PTAFR: variants seen among roughly 807,000 people sequenced by gnomAD.
PTAFR encodes the protein platelet-activating factor receptor.
In PTAFR, 8 loss-of-function variants were observed where a neutral mutation model predicts 14.7. The observed-to-expected ratio is 0.54, with a 90% CI of 0.32 to 0.98. The LOEUF (loss-of-function observed/expected upper bound fraction) is 0.98, where lower values mean the gene tolerates loss of function less well. Among genes scored for constraint, PTAFR ranks in the 50% least tolerant of loss-of-function variants. The pLI is 0.04. For synonymous variants in PTAFR, 156 were observed against 176.5 expected (o/e 0.88, Z 0.92); for missense variants, 337 against 451.2 (o/e 0.75, Z 2.29).
At chr1:28,186,444 AC>A (rs1415938286) in intron 1 of PTAFR, among the ~76,000 whole-genome samples, 1 of 152,224 alleles carries the variant, frequency 6.6e-6, no homozygotes, top group African/African-American at 2.4e-5. Context: ...CAGAACCAGT[AC>A]AATCAAAATC....
intron 1 of PTAFR, among the ~76,000 whole-genome samples, chr1:28,190,932 T>G (rs543927932): frequency 6.6e-6 from 1 of 152,182 alleles, no homozygotes; most frequent in East Asian, 1.9e-4. Context: ...TCCCTGAGCC[T>G]CAGAGTCTTC....
intron 1 of PTAFR, among the ~76,000 whole-genome samples, chr1:28,164,889 C>T (rs969200138): frequency 2.0e-5 from 3 of 152,156 alleles, no homozygotes; most frequent in Non-Finnish European, 2.9e-5. Flanking sequence ...GAAGGGAATG[C>T]GACAAAGGGA....
chr1:28,179,241 T>C (rs1007239177), upstream of PTAFR, among the ~76,000 whole-genome samples: 3 of 152,140 alleles, frequency 2.0e-5, no homozygotes, highest in African/African-American at 7.2e-5. Flanking sequence ...ACAGCAAGCC[T>C]GGGAGGGACC....
chr1:28,168,261 G>A (rs192575470), intron 1 of PTAFR, among the ~76,000 whole-genome samples: 51 of 151,426 alleles, frequency 3.4e-4, no homozygotes, highest in Non-Finnish European at 4.9e-4. Context: ...GTGAGCCACC[G>A]CGCCCGGCAG....
chr1:28,171,141 GACGAA>G (rs1646448984), intron 1 of PTAFR, among the ~76,000 whole-genome samples: 1 of 151,970 alleles, frequency 6.6e-6, no homozygotes, highest in Non-Finnish European at 1.5e-5. Flanking sequence ...TGGCCAACAT[GACGAA>G]ACCCCATATC....
intron 1 of PTAFR, among the ~76,000 whole-genome samples, chr1:28,184,500 A>C (rs1182888378): frequency 6.6e-6 from 1 of 152,188 alleles, no homozygotes; most frequent in East Asian, 1.9e-4. Flanking sequence ...GTACAGGAGA[A>C]GTCAAAGTCC....
At chr1:28,167,098 A>G (rs1005815087) in intron 1 of PTAFR, among the ~76,000 whole-genome samples, 3 of 152,220 alleles carry the variant, frequency 2.0e-5, no homozygotes, top group Non-Finnish European at 4.4e-5. Flanking sequence ...CGAAAGCACA[A>G]ATAAACTATT....
At position 28,149,928 on chromosome 1, in the gene PTAFR, C is replaced by T. The variant is rs1646158928; in HGVS notation, c.*65G>A. On this transcript the variant is annotated 3_prime_UTR_variant, in exon 2 of 2. Transcript: ENST00000373857. ...TGGTGCCCAGACCACAGTAGATATC[C>T]CTTCTTCCCCCAGCTCAGTCCATGA... 2 of 1,542,476 alleles carry T rather than the reference C, an allele frequency of 1.3e-6. No individual in the cohort carries two copies. The highest frequency in any genetic ancestry group is 1.9e-5 in the Admixed American group (1 of 53,002).
chr1:28,168,562 C>A (rs1034521025), intron 1 of PTAFR, among the ~76,000 whole-genome samples: 3 of 152,002 alleles, frequency 2.0e-5, no homozygotes, highest in Non-Finnish European at 4.4e-5. Context: ...AGTAATCAAA[C>A]GCATAGAACC....
intron 1 of PTAFR, among the ~76,000 whole-genome samples, chr1:28,163,215 G>A (rs1339738023): frequency 3.9e-5 from 6 of 152,172 alleles, no homozygotes; most frequent in Non-Finnish European, 8.8e-5. Flanking sequence ...ATCGCCACAG[G>A]CAAAATGAGT....
chr1:28,164,124 T>C (rs939774738), intron 1 of PTAFR, among the ~76,000 whole-genome samples: 1 of 152,128 alleles, frequency 6.6e-6, no homozygotes, highest in Admixed American at 6.6e-5. Context: ...CATCCATAGC[T>C]GGACAGCCAG....
chr1:28,193,424 T>G (rs1646672789), intron 1 of PTAFR, among the ~76,000 whole-genome samples: 1 of 152,016 alleles, frequency 6.6e-6, no homozygotes, highest in Admixed American at 6.6e-5. Flanking sequence ...GATGAGGGTC[T>G]GTTGTGTGTT....
chr1:28,165,511 C>T (rs779884474), intron 1 of PTAFR, among the ~76,000 whole-genome samples: 5 of 151,454 alleles, frequency 3.3e-5, no homozygotes, highest in East Asian at 1.9e-4. Flanking sequence ...AGGTCAGGCG[C>T]GGTGCCTCAC....
Position 28,150,087 on chromosome 1 carries a change from C to A in PTAFR, c.935G>T (p.Arg312Leu), listed in dbSNP as rs747144190. The A allele has an allele frequency of 2.5e-6, 4 of 1,614,032 alleles. No individual in the cohort carries two copies. The highest frequency in any genetic ancestry group is 3.4e-6 in the Non-Finnish European group (4 of 1,180,028). ...KHLTEKFYSM[R>L]SSRKCSRATT... ...GGCCCGGGAGCATTTCCGGCTACTG[C>A]GCATGCTGTAGAACTTTTCGGTGAG... Residue 312 changes from arginine to leucine, a missense_variant, in exon 2 of 2, where the codon CGC becomes CTC. By Grantham distance (102) the Arg-to-Leu change is moderately radical. Transcript: ENST00000373857. This position sits in a 1 kb window ranked among gnomAD's most constrained non-coding sequence, Gnocchi z 6.3.
At chr1:28,171,143 C>T (rs1040348028) in intron 1 of PTAFR, among the ~76,000 whole-genome samples, 6 of 151,630 alleles carry the variant, frequency 4.0e-5, no homozygotes, top group Admixed American at 3.3e-4. Flanking sequence ...GCCAACATGA[C>T]GAAACCCCAT....
chr1:28,150,132 G>T lies in PTAFR; in HGVS notation c.890C>A (p.Thr297Asn). ...GGTGAGGTGCTTGCGGAACTTCTTG[G>T]TGAGGAAACAGTAGATAACAGGGTC... is the stretch of plus-strand genomic sequence containing the variant. ...VLDPVIYCFL[T>N]KKFRKHLTEK... The change falls in exon 2 of 2, where the codon ACC becomes AAC. Residue 297 changes from threonine to asparagine, a missense_variant. Coordinates refer to ENST00000373857, the MANE Select transcript of PTAFR (RefSeq NM_000952.5). This position sits in a 1 kb window ranked among gnomAD's most constrained non-coding sequence, Gnocchi z 6.3. 6.2e-7 allele frequency: 1 copy of T among 1,614,214 alleles called. No homozygotes were observed. The highest frequency in any genetic ancestry group is 1.1e-5 in the South Asian group (1 of 91,084).
Position 28,149,796 on chromosome 1 carries a change from G to T in PTAFR, c.*197C>A. ...CTGTAGTATGCGCCCACAGGCGGATGAAGGGGCTCATTTGAGTTCTGGATT... is the reference window on the plus strand; with the variant it reads ...CTGTAGTATGCGCCCACAGGCGGATTAAGGGGCTCATTTGAGTTCTGGATT... On this transcript the variant is annotated 3_prime_UTR_variant, in exon 2 of 2. Coordinates refer to ENST00000373857, the MANE Select transcript of PTAFR (RefSeq NM_000952.5). 1 of 644,574 alleles carries T rather than the reference G, an allele frequency of 1.6e-6. No individual in the cohort carries two copies. The highest frequency in any genetic ancestry group is 2.6e-6 in the Non-Finnish European group (1 of 383,906). 39.9% of individuals were successfully genotyped at this position (644,574 alleles called of 1,614,324 possible). A position where few individuals can be genotyped will look rare whatever the true frequency, so the allele number is the denominator to read the frequency against.
chr1:28,190,906 G>A (rs748723510), intron 1 of PTAFR, among the ~76,000 whole-genome samples: 4 of 152,130 alleles, frequency 2.6e-5, no homozygotes, highest in Non-Finnish European at 4.4e-5. Flanking sequence ...TGTCACCTTG[G>A]ACAAGTCCCT....
At chr1:28,157,106 C>T (rs1646272777) in intron 1 of PTAFR, among the ~76,000 whole-genome samples, 1 of 152,184 alleles carries the variant, frequency 6.6e-6, no homozygotes, top group Admixed American at 6.6e-5. Flanking sequence ...TAAGAAGACA[C>T]TAAACCTCAG....
Sources: gnomAD v4.1 joint callset for allele counts (sites outside exome capture counted in the v4.1 genomes callset) on GRCh38, gnomAD v4.1.1 for gene constraint, Gnocchi (gnomAD v3.1) non-coding constraint, MANE v1.5 for transcripts, NCBI Gene and HGNC (gene_info 2026-07-23, HGNC 2026-07-21) for gene names.